INTS6: variants seen among roughly 807,000 people sequenced by gnomAD.
INTS6 encodes DEAD box protein.
INTS6 carries 16 observed loss-of-function variants against 104.9 expected under a neutral mutation model. The observed-to-expected ratio is 0.15, with a 90% CI of 0.10 to 0.23. The LOEUF (loss-of-function observed/expected upper bound fraction) is 0.23. Ranked by LOEUF, INTS6 falls within the 10% of genes least tolerant of loss-of-function variation. INTS6 has a pLI of 1.00. For synonymous variants in INTS6, 324 were observed against 358.7 expected (o/e 0.90, Z 1.09); for missense variants, 584 against 1,062.8 (o/e 0.55, Z 6.26).
intron 4 of INTS6, among the ~76,000 whole-genome samples, chr13:51,408,457 T>A (rs1371491438): frequency 6.6e-6 from 1 of 152,144 alleles, no homozygotes; most frequent in Non-Finnish European, 1.5e-5. Context: ...TGAGTTTTAT[T>A]AATAAGTCAG....
At chr13:51,450,311 T>G in intron 3 of INTS6, 1 of 985,418 alleles carries the variant, frequency 1.0e-6, no homozygotes, top group South Asian at 4.7e-5. Context: ...TAGTGAATTA[T>G]TGTTGATTTA....
chr13:51,435,277 T>C (rs1566247636), intron 3 of INTS6, among the ~76,000 whole-genome samples: 1 of 152,024 alleles, frequency 6.6e-6, no homozygotes, highest in Non-Finnish European at 1.5e-5. Context: ...AACATATCAC[T>C]AGAAAATATA....
At chr13:51,428,662 G>A (rs141106643) in intron 4 of INTS6, among the ~76,000 whole-genome samples, 44 of 151,892 alleles carry the variant, frequency 2.9e-4, no homozygotes, top group African/African-American at 8.4e-4. Context: ...TATAATCCAC[G>A]TCTACCTGTT....
chr13:51,347,101 G>T, the INTS6 span: 2 of 1,610,614 alleles, frequency 1.2e-6, no homozygotes, highest in Non-Finnish European at 1.7e-6. Flanking sequence ...TTGTGCTTGT[G>T]AGCACCATGT....
intron 4 of INTS6, among the ~76,000 whole-genome samples, chr13:51,404,135 G>A (rs551995819): frequency 2.0e-5 from 3 of 149,994 alleles, no homozygotes; most frequent in East Asian, 3.9e-4. Flanking sequence ...CAACCCAGGC[G>A]TGGTGATGCA....
the INTS6 span, among the ~76,000 whole-genome samples, chr13:51,338,380 A>G: frequency 6.6e-6 from 1 of 152,194 alleles, no homozygotes. Flanking sequence ...ATATGCCCAG[A>G]ACCTAGCAGC....
At chr13:51,418,379 A>G (rs1956832802) in intron 4 of INTS6, among the ~76,000 whole-genome samples, 1 of 152,172 alleles carries the variant, frequency 6.6e-6, no homozygotes, top group Non-Finnish European at 1.5e-5. Flanking sequence ...TTGAAAAAAA[A>G]AAATCAAGTA....
chr13:51,362,147 T>C lies in INTS6; in HGVS notation c.*3605A>G. On this transcript the variant is annotated 3_prime_UTR_variant, in exon 18 of 18. Coordinates refer to ENST00000311234, the MANE Select transcript of INTS6 (RefSeq NM_012141.3). ...ATATAGTTAATGTAGATTTTTTTTT[T>C]TAATGCTATAGGTTTCTACTTCTGA... The C allele has an allele frequency of 8.9e-7, 1 of 1,121,862 alleles. No homozygotes were observed. The highest frequency in any genetic ancestry group is 1.2e-6 in the Non-Finnish European group (1 of 838,366). 69.5% of individuals were successfully genotyped at this position (1,121,862 alleles called of 1,614,324 possible). A position where few individuals can be genotyped will look rare whatever the true frequency, so the allele number is the denominator to read the frequency against.
rs1334204269 is a variant in INTS6 at position 51,376,428 on chromosome 13, AAG to A, written c.1603-256_1603-255del. Among the ~76,000 whole-genome samples, 10 of 152,324 alleles carry A rather than the reference AAG, an allele frequency of 6.6e-5. No homozygotes were observed. In the East Asian group the frequency reaches 1.9e-3, roughly 29 times the overall value. On this transcript the variant is annotated intron_variant, in intron 12 of 17. Transcript: ENST00000311234. ...AGATTTTATTATATATTCTGGATAA[AAG>A]AAGTAAACTCATTTAAGTAAAAATC...
At chr13:51,368,872 T>C in intron 16 of INTS6, 67 bp downstream of exon 16, 2 of 1,481,778 alleles carry the variant, frequency 1.3e-6, no homozygotes, top group Admixed American at 2.4e-5. Flanking sequence ...CTTGACTTTT[T>C]TTTTCTTTTT....
intron 13 of INTS6, among the ~76,000 whole-genome samples, chr13:51,375,772 CGCGT>C (rs879822902): frequency 6.1e-5 from 9 of 146,710 alleles, no homozygotes; most frequent in Non-Finnish European, 1.3e-4. Flanking sequence ...TGTGTGCGCG[CGCGT>C]GCGCGCATGA....
chr13:51,362,066 A>C lies in INTS6; in HGVS notation c.*3686T>G. 1 of 1,570,142 alleles carries C rather than the reference A, an allele frequency of 6.4e-7. No individual in the cohort carries two copies. Among genetic ancestry groups the C allele is most frequent in the Non-Finnish European group, 8.6e-7 (1 of 1,166,224 alleles). On this transcript the variant is annotated 3_prime_UTR_variant, in exon 18 of 18. Coordinates refer to ENST00000311234, the MANE Select transcript of INTS6 (RefSeq NM_012141.3). ...ATCCTAAGAAAGGGGACTATTTCGT[A>C]AGTACAAAGGAAACTTATCCTCCAT...
chr13:51,445,084 T>A (rs556607670), intron 3 of INTS6: 41 of 152,316 alleles, frequency 2.7e-4, no homozygotes, highest in Middle Eastern at 6.8e-3. Context: ...CAAATCAAAC[T>A]TGTGTAAATC....
intron 2 of INTS6, among the ~76,000 whole-genome samples, 158 bp downstream of exon 2, chr13:51,451,820 G>A (rs1953059457): frequency 6.6e-6 from 1 of 150,502 alleles, no homozygotes. Context: ...GCCGAGCGGG[G>A]GAGGGGGTGG....
chr13:51,371,317 A>C (rs1279748922), intron 15 of INTS6, among the ~76,000 whole-genome samples: 1 of 152,156 alleles, frequency 6.6e-6, no homozygotes, highest in Non-Finnish European at 1.5e-5. Context: ...AAATTCAGAG[A>C]TGGAGGAGTA....
intron 4 of INTS6, among the ~76,000 whole-genome samples, chr13:51,427,972 A>G (rs1957013777): frequency 6.6e-6 from 1 of 152,204 alleles, no homozygotes; most frequent in East Asian, 1.9e-4. Context: ...GAGCAATTCC[A>G]ATACACATGT....
At chr13:51,347,093 G>A in the INTS6 span, 29 of 1,608,990 alleles carry the variant, frequency 1.8e-5, no homozygotes, top group African/African-American at 3.6e-4. Context: ...TGCTCAGCTT[G>A]TGCTTGTGAG....
At chr13:51,404,063 TAC>T (rs71085082) in intron 4 of INTS6, among the ~76,000 whole-genome samples, 30,167 of 109,252 alleles carry the variant, frequency 0.28, 4,440 homozygotes, top group Middle Eastern at 0.43. Flanking sequence ...TCTCTACAAA[TAC>T]ACACACACAC....
intron 4 of INTS6, among the ~76,000 whole-genome samples, chr13:51,423,727 G>T (rs1490759121): frequency 6.6e-6 from 1 of 151,842 alleles, no homozygotes; most frequent in Non-Finnish European, 1.5e-5. Context: ...AATTCTAAAG[G>T]TCAAGAATTA....
Sources: gnomAD v4.1 joint callset for allele counts (sites outside exome capture counted in the v4.1 genomes callset) on GRCh38, gnomAD v4.1.1 for gene constraint, MANE v1.5 for transcripts, NCBI Gene and HGNC (gene_info 2026-07-23, HGNC 2026-07-21) for gene names.